The following DIP2C variants were observed in gnomAD, a reference collection of about 807,000 sequenced individuals.
DIP2C encodes disco-interacting protein 2 homolog C.
In DIP2C, 33 loss-of-function variants were observed where a neutral mutation model predicts 192.4. That is an observed-to-expected ratio of 0.17 (90% CI 0.13 to 0.23). DIP2C has a LOEUF of 0.23. DIP2C is among the 10% of genes least tolerant of loss of function. The pLI is 1.00. For synonymous variants in DIP2C, 979 were observed against 864.1 expected, an observed-to-expected ratio of 1.13 and a Z score of -2.33; for missense variants, 1,537 against 2,110.1, an observed-to-expected ratio of 0.73 and a Z score of 5.32.
intron 1 of DIP2C, among the ~76,000 whole-genome samples, chr10:649,627 A>G (rs1855729614): frequency 6.6e-6 from 1 of 152,260 alleles, no homozygotes. Flanking sequence ...ACGTTACAGC[A>G]AATGCCATTC....
At chr10:514,206 T>C (rs972038869) in intron 1 of DIP2C, among the ~76,000 whole-genome samples, 4 of 138,738 alleles carry the variant, frequency 2.9e-5, no homozygotes, top group African/African-American at 1.3e-4. Flanking sequence ...ACCACCCCCC[T>C]TCCTTGGGCT....
chr10:616,232 C>T lies in DIP2C; in HGVS notation c.85+73262G>A, dbSNP rs531546011. 5.3e-5 allele frequency among the ~76,000 whole-genome samples: 8 copies of T among 152,204 alleles called. No homozygotes were observed. The South Asian group carries it at 1.5e-3, about 28-fold the overall frequency. On this transcript the variant is annotated intron_variant, in intron 1 of 36. Coordinates refer to ENST00000280886, the MANE Select transcript of DIP2C (RefSeq NM_014974.3). ...TCAAGCAGCCGTTTGTAATCTGGAC[C>T]GCAATCCGATACAAAATTTAAAGCT...
intron 1 of DIP2C, among the ~76,000 whole-genome samples, chr10:515,134 GA>G (rs887043780): frequency 2.0e-5 from 3 of 151,948 alleles, no homozygotes; most frequent in African/African-American, 4.8e-5. Flanking sequence ...ATGCCTCAGG[GA>G]AAAAAATGTC....
chr10:675,436 C>A (rs1830839061), intron 1 of DIP2C, among the ~76,000 whole-genome samples: 1 of 150,442 alleles, frequency 6.6e-6, no homozygotes, highest in Non-Finnish European at 1.5e-5. Context: ...TAACAAAGAT[C>A]AAAGAGGAAC....
rs1954511143 is a variant in DIP2C, at chr10:276,256, A to T, written c.*1069T>A. ...AAAAAATAGTGCACATTGAGCTTTG[A>T]ATTCTTTTGCCATCCTTGAGATGGC... On this transcript the variant is annotated 3_prime_UTR_variant, in exon 37 of 37. Transcript: ENST00000280886. 6.6e-6 allele frequency: 1 copy of T among 152,624 alleles called. No homozygotes were observed. Among genetic ancestry groups the T allele is most frequent in the African/African-American group, 2.4e-5 (1 of 41,444 alleles). 9.5% of individuals were successfully genotyped at this position (152,624 alleles called of 1,614,324 possible). A position where few individuals can be genotyped will look rare whatever the true frequency, so the allele number is the denominator to read the frequency against.
chr10:311,230 A>T (rs1956552193), intron 31 of DIP2C, among the ~76,000 whole-genome samples: 1 of 152,206 alleles, frequency 6.6e-6, no homozygotes, highest in Non-Finnish European at 1.5e-5. Context: ...ACAGTGAGTA[A>T]TGCAAAATAC....
intron 1 of DIP2C, among the ~76,000 whole-genome samples, chr10:606,860 C>CT (rs1852524014): frequency 6.6e-6 from 1 of 152,174 alleles, no homozygotes; most frequent in Non-Finnish European, 1.5e-5. Context: ...GACGCCACAG[C>CT]TTCCGTGTGG....
Position 423,547 on chromosome 10 carries a change from G to A in DIP2C, c.395-514C>T, listed in dbSNP as rs963407591. Among the ~76,000 whole-genome samples the A allele has an allele frequency of 2.8e-4, 42 of 152,030 alleles. 1 individual carries two copies. The highest frequency in any genetic ancestry group is 9.7e-4 in the African/African-American group (40 of 41,374). ...GGTGTGTGTGTTAGACACCCATGCA[G>A]CTGATTTATTTCTATGTCAGTGTGT... On this transcript the variant is annotated intron_variant, in intron 4 of 36. Coordinates refer to ENST00000280886, the MANE Select transcript of DIP2C (RefSeq NM_014974.3).
chr10:370,119 C>G, intron 17 of DIP2C: 1 of 896,138 alleles, frequency 1.1e-6, no homozygotes, highest in Non-Finnish European at 1.3e-6. Flanking sequence ...CAGATGCAGA[C>G]TGCCTGGGCG....
intron 10 of DIP2C, among the ~76,000 whole-genome samples, chr10:393,614 A>G (rs965663341): frequency 6.6e-6 from 1 of 151,958 alleles, no homozygotes; most frequent in African/African-American, 2.4e-5. Flanking sequence ...CCCAATCTCT[A>G]CTAAAAATAT....
intron 1 of DIP2C, among the ~76,000 whole-genome samples, chr10:671,309 AGACGGAGGAAACGCCACAGACGCACG>A (rs1203772623): frequency 1.3e-4 from 20 of 151,408 alleles, no homozygotes; most frequent in South Asian, 2.1e-4. Context: ...ACAGATCCAC[AGACGGAGGAAACGCCACAGACGCACG>A]GACGGAGGAA....
At chr10:668,858 A>T (rs945462457) in intron 1 of DIP2C, 2 of 152,232 alleles carry the variant, frequency 1.3e-5, no homozygotes, top group African/African-American at 4.8e-5. Context: ...AATATAGCAT[A>T]AACCCTTTTT....
intron 3 of DIP2C, among the ~76,000 whole-genome samples, chr10:457,523 T>C (rs1046854393): frequency 2.0e-5 from 3 of 152,208 alleles, no homozygotes; most frequent in African/African-American, 4.8e-5. Context: ...ATTCCCTCTT[T>C]AGAAATGACG....
chr10:366,658 G>T (rs910883386), intron 18 of DIP2C, among the ~76,000 whole-genome samples: 1 of 149,072 alleles, frequency 6.7e-6, no homozygotes, highest in East Asian at 2.0e-4. Context: ...ATGTTAATGC[G>T]CAAGTTGTAT....
At chr10:540,216 C>T (rs981566556) in intron 1 of DIP2C, among the ~76,000 whole-genome samples, 3 of 152,244 alleles carry the variant, frequency 2.0e-5, no homozygotes, top group African/African-American at 4.8e-5. Context: ...CTAGGTCTCC[C>T]GCAGACACTA....
At chr10:415,747 G>C (rs748955503) in intron 7 of DIP2C, 22 bp downstream of exon 7, 2 of 1,612,896 alleles carry the variant, frequency 1.2e-6, no homozygotes, top group South Asian at 2.2e-5. Context: ...TGGAAGAAAC[G>C]TGTGGTAAAG....
chr10:290,144 A>G (rs182366116), intron 32 of DIP2C, among the ~76,000 whole-genome samples: 21 of 152,290 alleles, frequency 1.4e-4, no homozygotes, highest in African/African-American at 4.6e-4. Flanking sequence ...TGAGGGAGAA[A>G]GACTTACTGG....
At chr10:585,796 TCAC>T (rs1413684183) in intron 1 of DIP2C, among the ~76,000 whole-genome samples, 1 of 152,172 alleles carries the variant, frequency 6.6e-6, no homozygotes, top group Non-Finnish European at 1.5e-5. Flanking sequence ...CAGATTTTAA[TCAC>T]CAACAACACT....
chr10:532,975 G>T (rs958932861), intron 1 of DIP2C, among the ~76,000 whole-genome samples: 1 of 152,112 alleles, frequency 6.6e-6, no homozygotes, highest in African/African-American at 2.4e-5. Context: ...TAGCATCAGG[G>T]TCTTTAGGTG....
Sources: allele counts gnomAD v4.1 joint callset (sites outside exome capture counted in the v4.1 genomes callset), GRCh38; gene constraint gnomAD v4.1.1; transcripts MANE v1.5; gene names NCBI Gene and HGNC (gene_info 2026-07-23, HGNC 2026-07-21).